The following ZNF469 variants were observed in gnomAD, a reference collection of about 807,000 sequenced individuals.
ZNF469 encodes zinc finger protein 469.
Under a neutral mutation model 1.0 loss-of-function variants are expected in ZNF469, and 1 was observed. The observed-to-expected ratio is 1.00, with a 90% CI of 0.35 to 4.73. The LOEUF is 4.73. Among genes scored for constraint, ZNF469 ranks in the 30% most tolerant of loss-of-function variants. ZNF469 has a pLI of 0.16. For synonymous variants in ZNF469, 2,703 were observed against 2,363.4 expected, an observed-to-expected ratio of 1.14 and a Z score of -4.17; for missense variants, 6,100 against 5,356.3, an observed-to-expected ratio of 1.14 and a Z score of -4.33.
At chr16:88,160,131 T>G in the ZNF469 span, among the ~76,000 whole-genome samples, 1 of 152,158 alleles carries the variant, frequency 6.6e-6, no homozygotes, top group Non-Finnish European at 1.5e-5. Context: ...CACCGAAGGG[T>G]GCTGACCCCT....
At chr16:88,257,818 C>T in the ZNF469 span, among the ~76,000 whole-genome samples, 3 of 152,148 alleles carry the variant, frequency 2.0e-5, no homozygotes, top group East Asian at 1.9e-4. Context: ...TGCTTCTATC[C>T]ATAGGGCTGA....
the ZNF469 span, among the ~76,000 whole-genome samples, chr16:88,180,500 G>T: frequency 2.0e-5 from 3 of 152,124 alleles, no homozygotes; most frequent in Non-Finnish European, 4.4e-5. Flanking sequence ...GGCCAGGCGC[G>T]GTGGCTCACA....
the ZNF469 span, among the ~76,000 whole-genome samples, chr16:88,134,661 G>A: frequency 2.1e-4 from 32 of 152,324 alleles, no homozygotes; most frequent in East Asian, 2.1e-3. Context: ...TGCCGACCCC[G>A]TGTGGGTGTG....
chr16:88,193,877 A>G, the ZNF469 span, among the ~76,000 whole-genome samples: 9 of 152,284 alleles, frequency 5.9e-5, no homozygotes, highest in East Asian at 1.7e-3. Context: ...GGAAGGGGCA[A>G]GGGGGCTTTC....
At chr16:88,378,640 A>G (rs2092514624), upstream of ZNF469, among the ~76,000 whole-genome samples, 1 of 152,140 alleles carries the variant, frequency 6.6e-6, no homozygotes, top group Non-Finnish European at 1.5e-5. Context: ...GGGGCCCCCA[A>G]AGCTGCTCTC....
At chr16:88,176,645 G>A in the ZNF469 span, among the ~76,000 whole-genome samples, 2 of 152,220 alleles carry the variant, frequency 1.3e-5, no homozygotes, top group Non-Finnish European at 1.5e-5. Flanking sequence ...AAAAATGAAG[G>A]TGGGGAAGTT....
In ZNF469 at chr16:88,433,239, G is replaced by A. The variant is rs1906327376; in HGVS notation, c.5769G>A (p.Gln1923=). 2 of 1,550,248 alleles carry A rather than the reference G, an allele frequency of 1.3e-6. No homozygotes were observed. The highest frequency in any genetic ancestry group is 2.4e-5 in the East Asian group (1 of 40,908). ...AKSKDGILGL[Q]ELTPAAQSPP... is the part of the protein sequence containing the mutation. ...GTAAAGATGGCATCCTGGGCTTGCAGGAGCTGACACCTGCTGCCCAGAGCC... is the reference window on the plus strand; with the variant it reads ...GTAAAGATGGCATCCTGGGCTTGCAAGAGCTGACACCTGCTGCCCAGAGCC... Residue 1923 remains glutamine (Q), a synonymous_variant, in exon 3 of 3, where the codon CAG becomes CAA. Coordinates refer to ENST00000565624, the MANE Select transcript of ZNF469 (RefSeq NM_001367624.2).
chr16:88,151,263 G>C, the ZNF469 span, among the ~76,000 whole-genome samples: 1 of 152,252 alleles, frequency 6.6e-6, no homozygotes, highest in Non-Finnish European at 1.5e-5. The surrounding 1 kb of genome is among the most constrained non-coding windows in gnomAD (Gnocchi z 5.4). Context: ...ACTGTCAGCC[G>C]GGACGACCCC....
At chr16:88,338,167 T>C in the ZNF469 span, among the ~76,000 whole-genome samples, 1 of 151,028 alleles carries the variant, frequency 6.6e-6, no homozygotes, top group African/African-American at 2.5e-5. Flanking sequence ...GCGCTGCCAA[T>C]CGCCTGGGGA....
At chr16:88,183,554 C>G in the ZNF469 span, among the ~76,000 whole-genome samples, 1 of 152,178 alleles carries the variant, frequency 6.6e-6, no homozygotes, top group East Asian at 1.9e-4. Flanking sequence ...GGGAGTCACT[C>G]ACAGGACAAT....
the ZNF469 span, among the ~76,000 whole-genome samples, chr16:88,131,217 C>A: frequency 6.6e-6 from 1 of 152,256 alleles, no homozygotes; most frequent in Non-Finnish European, 1.5e-5. Flanking sequence ...CAGAATCACA[C>A]CCCGTTGAAT....
the ZNF469 span, among the ~76,000 whole-genome samples, chr16:88,297,063 G>A: frequency 3.3e-5 from 5 of 152,234 alleles, no homozygotes; most frequent in African/African-American, 1.2e-4. Flanking sequence ...GGAGAGATCT[G>A]GAGCAGACAT....
Position 88,435,678 on chromosome 16 carries a change from T to C in ZNF469, c.8208T>C (p.Asp2736=), listed in dbSNP as rs2142312088. 1.9e-6 allele frequency: 3 copies of C among 1,550,506 alleles called. No individual in the cohort carries two copies. The highest frequency in any genetic ancestry group is 2.6e-6 in the Non-Finnish European group (3 of 1,146,970). ...GGATGCTGTGTCCAGGGAGGATGGA[T>C]GGTGCAGCTCTGGGGGAACAGCCAA... is the stretch of plus-strand genomic sequence containing the variant. ...GDRMLCPGRM[D]GAALGEQPTG... Residue 2736 remains aspartate (D), a synonymous_variant, in exon 3 of 3, where the codon GAT becomes GAC. Transcript: ENST00000565624.
chr16:88,359,164 C>T, the ZNF469 span, among the ~76,000 whole-genome samples: 300 of 152,190 alleles, frequency 2.0e-3, no homozygotes, highest in African/African-American at 6.5e-3. Context: ...CGGTATCCTG[C>T]CTGCATTTGC....
At chr16:88,261,115 C>T in the ZNF469 span, among the ~76,000 whole-genome samples, 1 of 152,192 alleles carries the variant, frequency 6.6e-6, no homozygotes. This position sits in a 1 kb window ranked among gnomAD's most constrained non-coding sequence, Gnocchi z 6.0. Flanking sequence ...CACGCTGCCA[C>T]TATCCCAGGA....
At chr16:88,174,912 C>T in the ZNF469 span, among the ~76,000 whole-genome samples, 1 of 150,754 alleles carries the variant, frequency 6.6e-6, no homozygotes, top group African/African-American at 2.4e-5. Flanking sequence ...ATTGGCGCCA[C>T]AACCTCTGCA....
At chr16:88,229,718 TCA>T in the ZNF469 span, among the ~76,000 whole-genome samples, 1 of 151,484 alleles carries the variant, frequency 6.6e-6, no homozygotes, top group Non-Finnish European at 1.5e-5. Context: ...TGTGCTGATG[TCA>T]CGCGTGTGGA....
At chr16:88,197,145 C>T in the ZNF469 span, among the ~76,000 whole-genome samples, 31 of 152,338 alleles carry the variant, frequency 2.0e-4, no homozygotes, top group East Asian at 4.8e-3. Flanking sequence ...ACCTAGGAAG[C>T]TGGCTGTCCC....
At position 88,410,343 on chromosome 16, in the gene ZNF469, C is replaced by T. The variant is rs116612924; in HGVS notation, c.-191-14464C>T. Among the ~76,000 whole-genome samples, 695 of 150,974 alleles carry T rather than the reference C, an allele frequency of 4.6e-3. 4 individuals carry two copies. Among genetic ancestry groups the T allele is most frequent in the African/African-American group, 0.016 (663 of 40,986 alleles). On this transcript the variant is annotated intron_variant, in intron 1 of 2. Transcript: ENST00000565624. ...TATGGTGCATGGTTCACAGTAACGT[C>T]TATGATGCTGTTGATGGTGCAGGTC...
Sources: allele counts gnomAD v4.1 joint callset (sites outside exome capture counted in the v4.1 genomes callset), GRCh38; gene constraint gnomAD v4.1.1; non-coding constraint Gnocchi (gnomAD v3.1); transcripts MANE v1.5; gene names NCBI Gene and HGNC (gene_info 2026-07-23, HGNC 2026-07-21).